Variants in SASS6 observed in about 807,000 individuals in gnomAD.
SASS6 encodes the protein SAS-6 centriolar assembly protein.
Under a neutral mutation model 94.9 loss-of-function variants are expected in SASS6, and 59 were observed. That is an observed-to-expected ratio of 0.62 (90% confidence interval 0.50 to 0.77). The LOEUF is 0.77. Ranked by LOEUF, SASS6 falls within the 30% of genes least tolerant of loss-of-function variation. SASS6 has a pLI of 0.00. For missense variants in SASS6, 698 were observed against 734.1 expected, an observed-to-expected ratio of 0.95 and a Z score of 0.57; for synonymous variants, 264 against 270.0, an observed-to-expected ratio of 0.98 and a Z score of 0.22.
chr1:100,132,475 A>G (rs1038681686), intron 1 of SASS6, among the ~76,000 whole-genome samples: 8 of 152,142 alleles, frequency 5.3e-5, no homozygotes, highest in African/African-American at 1.2e-4. Context: ...GAGTAGGGCT[A>G]TAATCTTCAC....
chr1:100,114,173 G>A (rs1398790366), intron 7 of SASS6, among the ~76,000 whole-genome samples: 1 of 152,048 alleles, frequency 6.6e-6, no homozygotes, highest in Non-Finnish European at 1.5e-5. Flanking sequence ...GATCCAAATG[G>A]TGTTAAAAGG....
chr1:100,114,083 C>G (rs1009726275), intron 7 of SASS6, among the ~76,000 whole-genome samples: 7 of 151,758 alleles, frequency 4.6e-5, no homozygotes, highest in Non-Finnish European at 2.9e-5. Context: ...TAGCAAAACT[C>G]AAGAAGAGAA....
chr1:100,097,933 C>T (rs915894806), intron 14 of SASS6, among the ~76,000 whole-genome samples: 3 of 152,106 alleles, frequency 2.0e-5, no homozygotes, highest in African/African-American at 7.2e-5. Flanking sequence ...TCAGTAGTTG[C>T]CTAGGGCTAG....
At chr1:100,116,142 AAATGTTTAT>A (rs1432973289) in intron 7 of SASS6, among the ~76,000 whole-genome samples, 1 of 152,210 alleles carries the variant, frequency 6.6e-6, no homozygotes, top group Non-Finnish European at 1.5e-5. Flanking sequence ...AGGCTGGGAG[AAATGTTTAT>A]AATGTACATG....
At chr1:100,129,229 C>CCT (rs1399791621) in intron 1 of SASS6, among the ~76,000 whole-genome samples, 4 of 151,150 alleles carry the variant, frequency 2.6e-5, no homozygotes, top group Non-Finnish European at 4.4e-5. Flanking sequence ...AGAGTGACAG[C>CCT]CTCTCTCTAA....
chr1:100,101,554 TTA>T (rs1163231569), intron 14 of SASS6, among the ~76,000 whole-genome samples: 1 of 151,918 alleles, frequency 6.6e-6, no homozygotes, highest in Non-Finnish European at 1.5e-5. Context: ...ATTTTGGACA[TTA>T]TATATATATT....
chr1:100,093,644 C>T lies in SASS6; in HGVS notation c.1675-5408G>A, dbSNP rs546974441. ...AGGTGTGGTGGTGTGCACCTGTAGTCCCAGCTACTCAGGAGGCTAAGGTGG... is the reference window on the plus strand; with the variant it reads ...AGGTGTGGTGGTGTGCACCTGTAGTTCCAGCTACTCAGGAGGCTAAGGTGG... On this transcript the variant is annotated intron_variant, in intron 14 of 16. Transcript: ENST00000287482. Among the ~76,000 whole-genome samples the T allele has an allele frequency of 1.7e-4, 26 of 152,094 alleles. No homozygotes were observed. The East Asian group carries it at 4.8e-3, about 28-fold the overall frequency.
chr1:100,120,857 T>C (rs1458676496), intron 5 of SASS6, among the ~76,000 whole-genome samples: 2 of 151,948 alleles, frequency 1.3e-5, no homozygotes, highest in African/African-American at 2.4e-5. Flanking sequence ...GAGACCATCC[T>C]GGCTAAAACG....
intron 13 of SASS6, 97 bp downstream of exon 13, chr1:100,105,670 A>G: frequency 8.4e-7 from 1 of 1,190,052 alleles, no homozygotes; most frequent in East Asian, 2.4e-5. Context: ...TTGTATTGGT[A>G]TCAGCACCTT....
At chr1:100,087,016 T>C (rs1651339863) in intron 15 of SASS6, among the ~76,000 whole-genome samples, 1 of 151,602 alleles carries the variant, frequency 6.6e-6, no homozygotes, top group Non-Finnish European at 1.5e-5. Context: ...AGAGTCTTGC[T>C]CTTATCGCCC....
At chr1:100,088,746 G>T (rs1273878838) in intron 14 of SASS6, among the ~76,000 whole-genome samples, 1 of 151,564 alleles carries the variant, frequency 6.6e-6, no homozygotes, top group Non-Finnish European at 1.5e-5. Context: ...GAGGTAGGAG[G>T]ATCACTTAAG....
At chr1:100,126,884 G>A (rs557401882) in intron 1 of SASS6, among the ~76,000 whole-genome samples, 5 of 152,280 alleles carry the variant, frequency 3.3e-5, no homozygotes, top group South Asian at 2.1e-4. Flanking sequence ...ATACAAAAAC[G>A]TATTTTCACA....
intron 6 of SASS6, 101 bp downstream of exon 6, chr1:100,120,293 T>C: frequency 1.5e-6 from 1 of 651,772 alleles, no homozygotes; most frequent in Non-Finnish European, 2.8e-6. Context: ...AACGGAAGCA[T>C]GCTTTGAAAG....
At chr1:100,119,268 C>A in intron 6 of SASS6, 131 bp from the exon 7 acceptor site, 1 of 453,564 alleles carries the variant, frequency 2.2e-6, no homozygotes, top group African/African-American at 2.0e-5. Context: ...TGTTCAAAGC[C>A]TTTTCCTACA....
intron 11 of SASS6, 89 bp downstream of exon 11, chr1:100,107,285 C>A: frequency 3.8e-6 from 3 of 791,968 alleles, no homozygotes; most frequent in South Asian, 1.7e-5. Flanking sequence ...AAAAACAAGA[C>A]CAAAGCCATT....
intron 7 of SASS6, among the ~76,000 whole-genome samples, chr1:100,111,027 G>A (rs1201515255): frequency 6.6e-6 from 1 of 151,984 alleles, no homozygotes; most frequent in Admixed American, 6.6e-5. Flanking sequence ...GGTTATAACT[G>A]TGCAATATTT....
chr1:100,117,665 G>GA (rs1254732592), intron 7 of SASS6, among the ~76,000 whole-genome samples: 119 of 123,194 alleles, frequency 9.7e-4, no homozygotes, highest in Admixed American at 1.8e-3. Flanking sequence ...AATAAAAAAT[G>GA]AAAAAAAAAA....
chr1:100,085,663 A>C, intron 15 of SASS6, 33 bp from the exon 16 acceptor site: 1 of 1,328,030 alleles, frequency 7.5e-7, no homozygotes, highest in Non-Finnish European at 1.1e-6. Flanking sequence ...CTTATTTAAC[A>C]AAGTCTTTAT....
chr1:100,107,095 A>G (rs1408055955), intron 11 of SASS6, 102 bp from the exon 12 acceptor site: 1 of 622,630 alleles, frequency 1.6e-6, no homozygotes, highest in East Asian at 2.8e-5. Flanking sequence ...AATGGTTACT[A>G]CTACTATTAT....
Sources: gnomAD v4.1 joint callset for allele counts (sites outside exome capture counted in the v4.1 genomes callset) on GRCh38, gnomAD v4.1.1 for gene constraint, MANE v1.5 for transcripts, NCBI Gene and HGNC (gene_info 2026-07-23, HGNC 2026-07-21) for gene names.